The following BSPH1 variants were observed in gnomAD, a reference collection of about 807,000 sequenced individuals.
BSPH1 encodes binder of sperm protein homolog 1, also known as binder of sperm 1.
A neutral mutation model predicts 22.5 loss-of-function variants in BSPH1; 21 were observed. The ratio of observed to expected loss-of-function variants is 0.93; its 90% CI spans 0.66 to 1.35. The LOEUF (loss-of-function observed/expected upper bound fraction) is 1.35. Among genes scored for constraint, BSPH1 ranks in the 40% most tolerant of loss-of-function variants. The probability of loss-of-function intolerance (pLI) is 0.00; values close to 1 mark genes in which losing one functional copy is unlikely to be tolerated. For synonymous variants in BSPH1, 42 were observed against 53.6 expected (o/e 0.78, Z 0.95); for missense variants, 141 against 154.2 (o/e 0.91, Z 0.45).
chr19:47,972,113 G>C (rs1179049978), intron 5 of BSPH1, among the ~76,000 whole-genome samples: 1 of 152,104 alleles, frequency 6.6e-6, no homozygotes, highest in Non-Finnish European at 1.5e-5. Context: ...TATTAAATCG[G>C]AAGATAATTG....
chr19:47,988,128 C>T (rs891818532), intron 1 of BSPH1, among the ~76,000 whole-genome samples: 6 of 152,068 alleles, frequency 3.9e-5, no homozygotes, highest in Non-Finnish European at 7.4e-5. Context: ...TGAACCAAAC[C>T]ATTCACAGAA....
Position 47,982,971 on chromosome 19 carries a change from T to G in BSPH1, c.74-2030A>C, listed in dbSNP as rs375628673. Among the ~76,000 whole-genome samples the G allele has an allele frequency of 3.9e-4, 59 of 151,964 alleles. 1 individual carries two copies. In the South Asian group the frequency reaches 0.012, roughly 31 times the overall value. On this transcript the variant is annotated intron_variant, in intron 1 of 5. Coordinates refer to ENST00000344839, the MANE Select transcript of BSPH1 (RefSeq NM_001128326.2). ...GCTGGAGGGAGGGAGGAATGGGGAGTTATTATTTAATGGGTGCAGAGTTTC... is the reference window on the plus strand; with the variant it reads ...GCTGGAGGGAGGGAGGAATGGGGAGGTATTATTTAATGGGTGCAGAGTTTC...
intron 1 of BSPH1, among the ~76,000 whole-genome samples, chr19:47,985,132 T>C (rs939379396): frequency 2.0e-5 from 3 of 151,050 alleles, no homozygotes; most frequent in African/African-American, 7.3e-5. Context: ...ATTATTTGGG[T>C]AATGGCTTCA....
intron 1 of BSPH1, among the ~76,000 whole-genome samples, chr19:47,991,689 C>A (rs1482885528): frequency 3.1e-5 from 3 of 95,330 alleles, no homozygotes; most frequent in Admixed American, 1.1e-4. Context: ...TCTTCCTTCT[C>A]TTTCTCCCCT....
chr19:47,975,452 C>T (rs371789097), intron 5 of BSPH1, among the ~76,000 whole-genome samples: 1 of 152,192 alleles, frequency 6.6e-6, no homozygotes, highest in Non-Finnish European at 1.5e-5. Flanking sequence ...AGGGCACTCA[C>T]CATGGACCAG....
At chr19:47,975,832 T>C (rs541221027) in intron 5 of BSPH1, among the ~76,000 whole-genome samples, 1 of 152,150 alleles carries the variant, frequency 6.6e-6, no homozygotes, top group South Asian at 2.1e-4. Context: ...ATTTTTTGTA[T>C]TTTTAGAAGA....
chr19:47,968,681 TAAAAAA>T (rs71181616), intron 5 of BSPH1, among the ~76,000 whole-genome samples: 2 of 92,216 alleles, frequency 2.2e-5, no homozygotes, highest in Non-Finnish European at 2.0e-5. Context: ...GACCCTGTCT[TAAAAAA>T]AAAAAAAAAA....
intron 5 of BSPH1, among the ~76,000 whole-genome samples, chr19:47,975,760 A>C (rs1017464388): frequency 1.4e-5 from 2 of 147,182 alleles, no homozygotes; most frequent in South Asian, 4.3e-4. Flanking sequence ...TGTTCACGCC[A>C]TTCTCCTGCC....
intron 1 of BSPH1, chr19:47,981,792 A>T (rs1424165297): frequency 1.1e-6 from 1 of 949,086 alleles, no homozygotes; most frequent in Admixed American, 6.2e-5. Flanking sequence ...TTCTTAAAGC[A>T]GCATTTTTCA....
chr19:47,975,749 G>A (rs373364323), intron 5 of BSPH1, among the ~76,000 whole-genome samples: 16 of 147,472 alleles, frequency 1.1e-4, no homozygotes, highest in Admixed American at 8.5e-4. Flanking sequence ...TCCGCCTCCC[G>A]TGTTCACGCC....
chr19:47,991,081 G>A lies in BSPH1; in HGVS notation c.73+928C>T, dbSNP rs543907058. Among the ~76,000 whole-genome samples the A allele has an allele frequency of 8.5e-5, 13 of 152,294 alleles. No individual in the cohort carries two copies. The East Asian group carries it at 2.5e-3, about 29-fold the overall frequency. ...TTCTTAAGGTACCTAAAGCAAGGGA[G>A]ACTGTTGCCCTCCATGGCGACTGGG... On this transcript the variant is annotated intron_variant, in intron 1 of 5. Coordinates refer to ENST00000344839, the MANE Select transcript of BSPH1 (RefSeq NM_001128326.2).
chr19:47,979,829 C>A (rs1969401730), intron 2 of BSPH1, among the ~76,000 whole-genome samples: 1 of 152,074 alleles, frequency 6.6e-6, no homozygotes, highest in South Asian at 2.1e-4. Flanking sequence ...ACATTTCTCA[C>A]AAATTTAATT....
At chr19:47,971,750 T>C (rs1160983716) in intron 5 of BSPH1, among the ~76,000 whole-genome samples, 1 of 152,196 alleles carries the variant, frequency 6.6e-6, no homozygotes, top group Non-Finnish European at 1.5e-5. Flanking sequence ...TGTCACTTAA[T>C]ATTTTATTGC....
chr19:47,987,332 T>C (rs1969480491), intron 1 of BSPH1, among the ~76,000 whole-genome samples: 1 of 152,176 alleles, frequency 6.6e-6, no homozygotes, highest in South Asian at 2.1e-4. Context: ...ACAATTTCTA[T>C]TTTATCTACT....
intron 1 of BSPH1, among the ~76,000 whole-genome samples, chr19:47,985,063 GAA>G (rs77675265): frequency 1.3e-5 from 1 of 75,100 alleles, no homozygotes; most frequent in African/African-American, 5.5e-5. Flanking sequence ...GACTCTGTCT[GAA>G]AAAAAAAAAA....
chr19:47,978,589 T>C (rs1323310466), intron 3 of BSPH1, among the ~76,000 whole-genome samples: 3 of 152,238 alleles, frequency 2.0e-5, no homozygotes, highest in Non-Finnish European at 4.4e-5. Flanking sequence ...AAGGACACAA[T>C]GTATATACAA....
At chr19:47,978,015 TATATATATATATATAG>T (rs1205720152) in intron 3 of BSPH1, among the ~76,000 whole-genome samples, 1 of 145,316 alleles carries the variant, frequency 6.9e-6, no homozygotes, top group African/African-American at 2.5e-5. Context: ...TATATATATA[TATATATATATATATAG>T]TTATAGGTGC....
At chr19:47,970,345 G>A (rs778170888) in intron 5 of BSPH1, among the ~76,000 whole-genome samples, 9 of 152,144 alleles carry the variant, frequency 5.9e-5, no homozygotes, top group Non-Finnish European at 8.8e-5. Context: ...AGGCATGAAC[G>A]ACTGCGCCTG....
chr19:47,976,269 T>G (rs1290489555), intron 5 of BSPH1, among the ~76,000 whole-genome samples: 1 of 152,128 alleles, frequency 6.6e-6, no homozygotes, highest in African/African-American at 2.4e-5. Flanking sequence ...AGACTACAAG[T>G]GTGTGCCACC....
Sources: allele counts gnomAD v4.1 joint callset (sites outside exome capture counted in the v4.1 genomes callset), GRCh38; gene constraint gnomAD v4.1.1; transcripts MANE v1.5; gene names NCBI Gene and HGNC (gene_info 2026-07-23, HGNC 2026-07-21).